The following MYH10 variants were observed in gnomAD, a reference collection of about 807,000 sequenced individuals.
MYH10 encodes myosin-10.
Under a neutral mutation model 257.8 loss-of-function variants are expected in MYH10, and 55 were observed. That is an observed-to-expected ratio of 0.21 (90% CI 0.17 to 0.27). MYH10 has a LOEUF of 0.27. Among genes scored for constraint, MYH10 ranks in the 10% least tolerant of loss-of-function variants. The probability of loss-of-function intolerance (pLI) is 1.00; values close to 1 mark genes in which losing one functional copy is unlikely to be tolerated. For missense variants in MYH10, 1,631 were observed against 2,500.6 expected (o/e 0.65, Z 7.42); for synonymous variants, 854 against 921.7 (o/e 0.93, Z 1.33).
At chr17:8,529,105 C>G (rs2081943495) in intron 17 of MYH10, among the ~76,000 whole-genome samples, 2 of 152,204 alleles carry the variant, frequency 1.3e-5, no homozygotes, top group Admixed American at 1.3e-4. Flanking sequence ...CAGCAAAATG[C>G]CTGGTGTATA....
intron 3 of MYH10, among the ~76,000 whole-genome samples, chr17:8,596,357 T>C (rs533679599): frequency 6.6e-6 from 1 of 152,192 alleles, no homozygotes; most frequent in South Asian, 2.1e-4. Context: ...GTTTTCACCA[T>C]GTTGGCCAGG....
At chr17:8,479,342 T>C (rs550945339) in intron 40 of MYH10, among the ~76,000 whole-genome samples, 2 of 152,320 alleles carry the variant, frequency 1.3e-5, no homozygotes, top group East Asian at 3.9e-4. Context: ...AGGTAACTTA[T>C]TTGGAGGACT....
At chr17:8,538,894 A>G (rs2151940069) in intron 14 of MYH10, among the ~76,000 whole-genome samples, 1 of 152,296 alleles carries the variant, frequency 6.6e-6, no homozygotes, top group South Asian at 2.1e-4. Context: ...TTCCTAATGC[A>G]GCCGTGTTGA....
chr17:8,600,385 G>T (rs1405299823), intron 3 of MYH10, among the ~76,000 whole-genome samples: 1 of 152,114 alleles, frequency 6.6e-6, no homozygotes, highest in Admixed American at 6.5e-5. Context: ...TAGGAGATTG[G>T]ACTCTCTTCT....
chr17:8,605,474 G>A (rs554054680), intron 2 of MYH10, among the ~76,000 whole-genome samples: 10 of 152,182 alleles, frequency 6.6e-5, no homozygotes, highest in African/African-American at 1.7e-4. Context: ...GGCCAGGCAC[G>A]GTGGCTCACG....
At chr17:8,548,903 T>C (rs1436149366) in intron 9 of MYH10, 116 bp from the exon 10 acceptor site, 23 of 762,340 alleles carry the variant, frequency 3.0e-5, no homozygotes, top group South Asian at 1.9e-4. Context: ...ATGCAACCCA[T>C]TGCCAGCAAA....
chr17:8,493,931 C>A, intron 31 of MYH10, 46 bp from the exon 32 acceptor site: 1 of 1,566,532 alleles, frequency 6.4e-7, no homozygotes. Flanking sequence ...CATTTATCAC[C>A]AAAACAAATA....
At chr17:8,600,761 G>C (rs930497943) in intron 3 of MYH10, among the ~76,000 whole-genome samples, 15 of 152,110 alleles carry the variant, frequency 9.9e-5, no homozygotes, top group African/African-American at 3.6e-4. Flanking sequence ...TAATGGTTTA[G>C]CAGACACATA....
chr17:8,574,581 T>A (rs1235472090), intron 6 of MYH10, among the ~76,000 whole-genome samples: 1 of 152,152 alleles, frequency 6.6e-6, no homozygotes, highest in African/African-American at 2.4e-5. Flanking sequence ...AACAAGCAAA[T>A]ATATAAAGGA....
At chr17:8,616,322 C>T (rs2085259260) in intron 2 of MYH10, among the ~76,000 whole-genome samples, 1 of 151,862 alleles carries the variant, frequency 6.6e-6, no homozygotes, top group Non-Finnish European at 1.5e-5. Context: ...AAATAAAACT[C>T]ATTATTTGTG....
chr17:8,600,343 C>T (rs1214679163), intron 3 of MYH10, among the ~76,000 whole-genome samples: 1 of 152,086 alleles, frequency 6.6e-6, no homozygotes, highest in Non-Finnish European at 1.5e-5. Context: ...AAGTAATGGG[C>T]TGGGGATCCA....
At chr17:8,592,933 C>CCATA (rs1555612260) in intron 3 of MYH10, among the ~76,000 whole-genome samples, 1,720 of 44,672 alleles carry the variant, frequency 0.039, 430 homozygotes, top group East Asian at 0.17. Flanking sequence ...TCAAATCCAG[C>CCATA]TATATATATA....
rs536202201 is a variant in MYH10, at chr17:8,525,430, G to A, written c.1958-4145C>T. On this transcript the variant is annotated intron_variant, in intron 17 of 42. Transcript: ENST00000360416. ...TGTCTCTGGCCCCCCAACCATCAGC[G>A]GAGACAATCTCCCAGCCCCAGATGT... Among the ~76,000 whole-genome samples, 18 of 152,364 alleles carry A rather than the reference G, an allele frequency of 1.2e-4. No homozygotes were observed. The South Asian group carries it at 3.5e-3, about 30-fold the overall frequency.
intron 36 of MYH10, 67 bp downstream of exon 36, chr17:8,487,366 G>T: frequency 6.3e-7 from 1 of 1,588,598 alleles, no homozygotes; most frequent in Non-Finnish European, 8.6e-7. Flanking sequence ...TTCACTGCTG[G>T]ACTCTGTGTA....
chr17:8,619,756 T>G (rs2085396377), intron 2 of MYH10, among the ~76,000 whole-genome samples: 1 of 151,996 alleles, frequency 6.6e-6, no homozygotes, highest in Admixed American at 6.6e-5. Flanking sequence ...AAACCCCATC[T>G]CTACTAAAAA....
chr17:8,518,587 A>C, intron 21 of MYH10, 44 bp downstream of exon 21: 1 of 1,581,514 alleles, frequency 6.3e-7, no homozygotes, highest in Non-Finnish European at 8.6e-7. Context: ...TATCTAGCAC[A>C]AGCACTTCCT....
chr17:8,493,995 A>G lies in MYH10; in HGVS notation c.4057-110T>C. ...AAAAGAGACAGCCTCAATGCATGAG[A>G]ACGCCCAGTGACATTAACAAACACA... On this transcript the variant is annotated intron_variant, in intron 31 of 42. Transcript: ENST00000360416. 7 of 1,241,468 alleles carry G rather than the reference A, an allele frequency of 5.6e-6. No individual in the cohort carries two copies. The South Asian group carries it at 9.0e-5, about 16-fold the overall frequency. The allele number at this position is 1,241,468 out of a possible 1,614,324, so 76.9% of individuals were successfully genotyped here. A position where few individuals can be genotyped will look rare whatever the true frequency, so the allele number is the denominator to read the frequency against.
chr17:8,518,605 C>T lies in MYH10; in HGVS notation c.2504+26G>A, dbSNP rs139628392. On this transcript the variant is annotated intron_variant, in intron 21 of 42. Transcript: ENST00000360416. ...CTAGCACAAGCACTTCCTCAGTGAA[C>T]GATTAATTCGTGAATACCCACTCAC... 288 of 1,601,494 alleles carry T rather than the reference C, an allele frequency of 1.8e-4. No homozygotes were observed. The African/African-American group carries it at 2.4e-3, about 13-fold the overall frequency.
At chr17:8,549,932 C>T (rs933796847) in intron 9 of MYH10, among the ~76,000 whole-genome samples, 27 of 150,590 alleles carry the variant, frequency 1.8e-4, no homozygotes, top group African/African-American at 5.2e-4. Flanking sequence ...GCAAGTGATC[C>T]GCCAGCCTCG....
Sources: gnomAD v4.1 joint callset for allele counts (sites outside exome capture counted in the v4.1 genomes callset) on GRCh38, gnomAD v4.1.1 for gene constraint, MANE v1.5 for transcripts, NCBI Gene and HGNC (gene_info 2026-07-23, HGNC 2026-07-21) for gene names.